ZFPM1: variants seen among roughly 807,000 people sequenced by gnomAD.
The protein encoded by ZFPM1 is zinc finger protein ZFPM1.
In ZFPM1, 28 loss-of-function variants were observed where a neutral mutation model predicts 46.3. The observed-to-expected ratio is 0.60, with a 90% CI of 0.45 to 0.83. The LOEUF (loss-of-function observed/expected upper bound fraction) is 0.83. Among genes scored for constraint, ZFPM1 ranks in the 40% least tolerant of loss-of-function variants. The probability of loss-of-function intolerance (pLI) is 0.00; values close to 1 mark genes in which losing one functional copy is unlikely to be tolerated. For synonymous variants in ZFPM1, 957 were observed against 675.9 expected, an observed-to-expected ratio of 1.42 and a Z score of -6.45; for missense variants, 1,878 against 1,432.4, an observed-to-expected ratio of 1.31 and a Z score of -5.02.
intron 1 of ZFPM1, among the ~76,000 whole-genome samples, chr16:88,478,960 G>A (rs555497534): frequency 3.3e-5 from 5 of 152,344 alleles, no homozygotes; most frequent in South Asian, 2.1e-4. Context: ...TGGGTTGGAC[G>A]TGAAGGAGGC....
intron 1 of ZFPM1, among the ~76,000 whole-genome samples, chr16:88,455,381 C>T (rs1035792481): frequency 2.0e-5 from 3 of 152,046 alleles, no homozygotes; most frequent in African/African-American, 4.8e-5. Flanking sequence ...GGCCCGGGAC[C>T]GGGGCAGAGA....
intron 5 of ZFPM1, among the ~76,000 whole-genome samples, chr16:88,527,276 A>T (rs965846279): frequency 3.9e-5 from 6 of 152,190 alleles, no homozygotes; most frequent in Admixed American, 6.5e-5. Context: ...CCGACACCAG[A>T]CTGGCTGGCA....
intron 1 of ZFPM1, among the ~76,000 whole-genome samples, chr16:88,461,106 C>CCTGGTGAGGACCGAGGGGCGGGAGG (rs1555522090): frequency 1.6e-5 from 1 of 61,906 alleles, no homozygotes; most frequent in African/African-American, 1.1e-4. Flanking sequence ...GGGCAGGAGG[C>CCTGGTGAGGACCGAGGGGCGGGAGG]CCTGGTGAGG....
At chr16:88,453,940 GC>G (rs1297813442) in intron 1 of ZFPM1, among the ~76,000 whole-genome samples, 1 of 152,150 alleles carries the variant, frequency 6.6e-6, no homozygotes, top group East Asian at 1.9e-4. Flanking sequence ...TGGGGGCGCG[GC>G]CCGGGCAGCT....
At chr16:88,474,527 C>T (rs1007966320) in intron 1 of ZFPM1, among the ~76,000 whole-genome samples, 1 of 151,952 alleles carries the variant, frequency 6.6e-6, no homozygotes, top group Non-Finnish European at 1.5e-5. Flanking sequence ...CCTGCCTCCC[C>T]GCCACCCGCC....
chr16:88,509,603 G>A (rs1323392098), intron 3 of ZFPM1, among the ~76,000 whole-genome samples: 1 of 152,232 alleles, frequency 6.6e-6, no homozygotes, highest in Non-Finnish European at 1.5e-5. Flanking sequence ...CAGGGCTCAG[G>A]TGGAGAAACA....
In ZFPM1 at chr16:88,528,267, C is replaced by T. The variant is rs776489300; in HGVS notation, c.712+29C>T. 3.8e-6 allele frequency: 6 copies of T among 1,561,128 alleles called. No homozygotes were observed. The highest frequency in any genetic ancestry group is 2.3e-5 in the East Asian group (1 of 43,268). Reference sequence around the variant, plus strand: ...AGTGCTGGGCTCTCCGCACCCAGGGCGGCTGCTCCACCAAGGAGGAGCAGG... The same window carrying T: ...AGTGCTGGGCTCTCCGCACCCAGGGTGGCTGCTCCACCAAGGAGGAGCAGG... On this transcript the variant is annotated intron_variant, in intron 6 of 9. Coordinates refer to ENST00000319555, the MANE Select transcript of ZFPM1 (RefSeq NM_153813.3).
At chr16:88,507,358 G>A (rs1306871626) in intron 3 of ZFPM1, among the ~76,000 whole-genome samples, 2 of 152,212 alleles carry the variant, frequency 1.3e-5, no homozygotes, top group Non-Finnish European at 2.9e-5. Context: ...TCTGCCCAGA[G>A]GTGCCATGGC....
intron 3 of ZFPM1, among the ~76,000 whole-genome samples, chr16:88,499,959 C>G (rs1910157974): frequency 6.6e-6 from 1 of 152,250 alleles, no homozygotes; most frequent in Non-Finnish European, 1.5e-5. Flanking sequence ...GGTCTCCAGC[C>G]ATCCTGGTGG....
At position 88,532,844 on chromosome 16, in the gene ZFPM1, C is replaced by T; in HGVS notation, c.1098C>T (p.His366=). 1.2e-6 allele frequency: 2 copies of T among 1,613,510 alleles called. No homozygotes were observed. Among genetic ancestry groups the T allele is most frequent in the South Asian group, 1.1e-5 (1 of 91,090 alleles). ...CCACAAGGGACATCCTCTACAGCCACTTGGTCACCAACCACATGGTCTGCC... is the reference window on the plus strand; with the variant it reads ...CCACAAGGGACATCCTCTACAGCCATTTGGTCACCAACCACATGGTCTGCC... ...ISTTRDILYS[H]LVTNHMVCQP... is the part of the protein sequence containing the mutation. The change falls in exon 9 of 10, where the codon CAC becomes CAT. Residue 366 remains histidine, a synonymous_variant. Coordinates refer to ENST00000319555, the MANE Select transcript of ZFPM1 (RefSeq NM_153813.3).
At chr16:88,454,671 G>A (rs564013086) in intron 1 of ZFPM1, among the ~76,000 whole-genome samples, 1 of 152,262 alleles carries the variant, frequency 6.6e-6, no homozygotes, top group East Asian at 1.9e-4. Flanking sequence ...TGTGCCAGGA[G>A]GGAGCAAGAG....
At chr16:88,512,801 G>A (rs1911047478) in intron 3 of ZFPM1, among the ~76,000 whole-genome samples, 1 of 152,098 alleles carries the variant, frequency 6.6e-6, no homozygotes, top group African/African-American at 2.4e-5. Flanking sequence ...CCACCCCCGA[G>A]GCCTGGCCAG....
chr16:88,486,179 A>G, intron 2 of ZFPM1, 136 bp downstream of exon 2: 1 of 925,630 alleles, frequency 1.1e-6, no homozygotes, highest in South Asian at 1.7e-5. Flanking sequence ...GGCGTCTTCC[A>G]GCCAGAGGCC....
At chr16:88,506,926 C>T (rs966657135) in intron 3 of ZFPM1, among the ~76,000 whole-genome samples, 17 of 152,376 alleles carry the variant, frequency 1.1e-4, no homozygotes, top group South Asian at 2.1e-4. Flanking sequence ...TTCTCGCTAG[C>T]GCATGTCACG....
At position 88,535,269 on chromosome 16, in the gene ZFPM1, G is replaced by C. The variant is rs868713633; in HGVS notation, c.*290G>C. 3.1e-5 allele frequency: 8 copies of C among 262,218 alleles called. No individual in the cohort carries two copies. Among genetic ancestry groups the C allele is most frequent in the Non-Finnish European group, 3.6e-5 (5 of 138,860 alleles). The allele number at this position is 262,218 out of a possible 1,614,324, so 16.2% of individuals were successfully genotyped here. ...GGCCACTGCGGCCCGGAGTGGCTGG[G>C]CCCCTGCCGGAGTTACACCACTGGG... On this transcript the variant is annotated 3_prime_UTR_variant, in exon 10 of 10. Transcript: ENST00000319555.
chr16:88,503,289 G>A (rs1458218117), intron 3 of ZFPM1, among the ~76,000 whole-genome samples: 1 of 146,682 alleles, frequency 6.8e-6, no homozygotes, highest in African/African-American at 2.5e-5. Flanking sequence ...CCTGAGTGGA[G>A]GGATCTGTGT....
Position 88,490,056 on chromosome 16 carries a change from A to AT in ZFPM1, c.268+918dup, listed in dbSNP as rs573735372. Among the ~76,000 whole-genome samples, 1,017 of 143,446 alleles carry AT rather than the reference A, an allele frequency of 7.1e-3. 6 individuals are homozygous for AT. The highest frequency in any genetic ancestry group is 0.022 in the African/African-American group (874 of 39,128). 94.1% of individuals were successfully genotyped at this position (143,446 alleles called of 152,430 possible). A position where few individuals can be genotyped will look rare whatever the true frequency, so the allele number is the denominator to read the frequency against. ...TGTACAGATGCAGCAAGTATTTATT[A>AT]TTTTTTTTTTTTTTTGAGATGGAGT... On this transcript the variant is annotated intron_variant, in intron 3 of 9. Transcript: ENST00000319555.
chr16:88,526,522 C>A (rs4480793), intron 4 of ZFPM1, among the ~76,000 whole-genome samples: 25,902 of 152,090 alleles, frequency 0.17, 2,471 homozygotes, highest in East Asian at 0.42. Context: ...GAGCATGTTG[C>A]TCGACCTCTT....
intron 1 of ZFPM1, among the ~76,000 whole-genome samples, chr16:88,483,296 C>T (rs959672883): frequency 9.3e-5 from 14 of 150,840 alleles, no homozygotes; most frequent in African/African-American, 3.5e-4. Flanking sequence ...CAGGACCCCC[C>T]ATGGCTCCCC....
Sources: allele counts gnomAD v4.1 joint callset (sites outside exome capture counted in the v4.1 genomes callset), GRCh38; gene constraint gnomAD v4.1.1; transcripts MANE v1.5; gene names NCBI Gene and HGNC (gene_info 2026-07-23, HGNC 2026-07-21).